Variants in IQUB observed in about 807,000 individuals in gnomAD.
IQUB encodes IQ motif and ubiquitin-like domain-containing protein.
Under a neutral mutation model 86.4 loss-of-function variants are expected in IQUB, and 86 were observed. That is an observed-to-expected ratio of 1.00 (90% CI 0.84 to 1.19). The LOEUF is 1.19. Ranked by LOEUF, IQUB falls within the 50% of genes most tolerant of loss-of-function variation. The pLI, the probability that IQUB is intolerant of heterozygous loss-of-function variation, is 0.00. For synonymous variants in IQUB, 289 were observed against 304.5 expected (o/e 0.95, Z 0.53); for missense variants, 946 against 916.9 (o/e 1.03, Z -0.41).
chr7:123,529,724 TAAAA>T (rs753026777), intron 1 of IQUB, among the ~76,000 whole-genome samples: 20 of 35,822 alleles, frequency 5.6e-4, no homozygotes, highest in East Asian at 4.8e-3. Context: ...TGTCTCTACT[TAAAA>T]AAAAAAAAAA....
intron 1 of IQUB, among the ~76,000 whole-genome samples, chr7:123,514,936 C>A (rs1450173422): frequency 1.3e-5 from 2 of 152,088 alleles, no homozygotes; most frequent in African/African-American, 4.8e-5. Flanking sequence ...GACTTTGTTA[C>A]TTAAATATGC....
intron 7 of IQUB, among the ~76,000 whole-genome samples, chr7:123,486,347 C>G (rs765298178): frequency 3.3e-5 from 5 of 152,138 alleles, no homozygotes; most frequent in Non-Finnish European, 7.4e-5. Flanking sequence ...AATAAAAAAT[C>G]CTGCACACCC....
At chr7:123,476,918 C>T (rs552726811) in intron 8 of IQUB, among the ~76,000 whole-genome samples, 38 of 152,206 alleles carry the variant, frequency 2.5e-4, no homozygotes, top group African/African-American at 8.2e-4. Context: ...CTACAAACCA[C>T]TGCTCAATGA....
At chr7:123,468,375 C>T (rs1189671858) in intron 9 of IQUB, among the ~76,000 whole-genome samples, 3 of 152,186 alleles carry the variant, frequency 2.0e-5, no homozygotes, top group African/African-American at 7.2e-5. Context: ...GGAGCTAATC[C>T]TGAAACCTAC....
In IQUB at chr7:123,461,536, A is replaced by G; in HGVS notation, c.1828T>C (p.Ser610Pro). The change falls in exon 11 of 13, where the codon TCT becomes CCT. Residue 610 changes from serine (S) to proline (P), a missense_variant. Transcript: ENST00000324698. ...GTGGATGATACAGAAAATTCTGTAG[A>G]AGGCAAATAAAGCTGGCAACTGTGG... ...FCHSCQLYLP[S>P]TEFSVSSTSR... The G allele has an allele frequency of 5.0e-6, 8 of 1,612,036 alleles. No homozygotes were observed. Among genetic ancestry groups the G allele is most frequent in the Non-Finnish European group, 6.8e-6 (8 of 1,178,726 alleles).
At position 123,479,843 on chromosome 7, in the gene IQUB, A is replaced by G; in HGVS notation, c.1362T>C (p.Ile454=). The change falls in exon 8 of 13, where the codon ATT becomes ATC. Residue 454 remains isoleucine, a synonymous_variant. Transcript: ENST00000324698. Reference sequence around the variant, plus strand: ...CTGCTTCCTGATTTGCCATATAAGCAATGTATCTATGTCTCCCAATGGAAG... The same window carrying G: ...CTGCTTCCTGATTTGCCATATAAGCGATGTATCTATGTCTCCCAATGGAAG... ...IIASIGRHRY[I]AYMANQEAAI... is the part of the protein sequence containing the mutation. The G allele has an allele frequency of 6.2e-7, 1 of 1,613,044 alleles. No individual in the cohort carries two copies. The highest frequency in any genetic ancestry group is 1.1e-5 in the South Asian group (1 of 90,942).
At chr7:123,493,112 G>C (rs1795545065) in intron 7 of IQUB, among the ~76,000 whole-genome samples, 1 of 152,026 alleles carries the variant, frequency 6.6e-6, no homozygotes, top group African/African-American at 2.4e-5. Flanking sequence ...AGTTCTCTAG[G>C]TTTCTTTGTT....
At chr7:123,459,952 C>T (rs540782353) in intron 11 of IQUB, 28 of 151,930 alleles carry the variant, frequency 1.8e-4, no homozygotes, top group African/African-American at 6.5e-4. Context: ...TTGGGTGATA[C>T]CAAAGTTTTC....
chr7:123,478,019 G>A (rs557094184), intron 8 of IQUB, among the ~76,000 whole-genome samples: 13 of 152,218 alleles, frequency 8.5e-5, no homozygotes, highest in African/African-American at 2.9e-4. Context: ...AACCATTGTG[G>A]AAGACAGTGT....
intron 7 of IQUB, among the ~76,000 whole-genome samples, chr7:123,483,024 GT>G (rs1005668288): frequency 7.2e-5 from 11 of 152,084 alleles, no homozygotes; most frequent in African/African-American, 2.7e-4. Context: ...TTCATTCCAG[GT>G]TTTTTTGGAT....
chr7:123,514,508 G>T (rs1161698586), intron 1 of IQUB, among the ~76,000 whole-genome samples: 2 of 152,196 alleles, frequency 1.3e-5, no homozygotes, highest in African/African-American at 4.8e-5. Context: ...CAAAATGATA[G>T]TAAATTGAAA....
chr7:123,468,284 C>T (rs1397854552), intron 9 of IQUB, among the ~76,000 whole-genome samples: 1 of 152,148 alleles, frequency 6.6e-6, no homozygotes, highest in Non-Finnish European at 1.5e-5. Flanking sequence ...CAGTGAGTAT[C>T]TCTTGTGGCC....
chr7:123,519,721 CTA>C (rs1380601446), intron 1 of IQUB, among the ~76,000 whole-genome samples: 1 of 152,048 alleles, frequency 6.6e-6, no homozygotes, highest in African/African-American at 2.4e-5. Flanking sequence ...GGAGTAAGTT[CTA>C]TGTTTGATAG....
At chr7:123,471,330 T>C (rs1006491905) in intron 8 of IQUB, among the ~76,000 whole-genome samples, 1 of 152,198 alleles carries the variant, frequency 6.6e-6, no homozygotes, top group Non-Finnish European at 1.5e-5. Context: ...CCTCAGAGTG[T>C]TACTGAAGTT....
At chr7:123,512,503 A>G (rs968400696) in intron 1 of IQUB, among the ~76,000 whole-genome samples, 159 bp from the exon 2 acceptor site, 7 of 152,248 alleles carry the variant, frequency 4.6e-5, no homozygotes, top group Non-Finnish European at 8.8e-5. Context: ...GTTAAAAAAA[A>G]GAACCTCAAA....
At chr7:123,470,219 T>C (rs1794459786) in intron 8 of IQUB, among the ~76,000 whole-genome samples, 1 of 152,202 alleles carries the variant, frequency 6.6e-6, no homozygotes, top group African/African-American at 2.4e-5. Flanking sequence ...CAGGGACATT[T>C]AGAGGAGATG....
At chr7:123,505,245 G>A (rs927026118) in intron 3 of IQUB, among the ~76,000 whole-genome samples, 54 of 152,186 alleles carry the variant, frequency 3.5e-4, no homozygotes, top group African/African-American at 1.2e-3. Context: ...GAGTGTCTGC[G>A]GCTTTGCCAG....
chr7:123,455,594 A>G (rs1172550117), intron 12 of IQUB, among the ~76,000 whole-genome samples: 3 of 152,170 alleles, frequency 2.0e-5, no homozygotes, highest in Admixed American at 6.6e-5. Context: ...AGATACCATT[A>G]TCTCTTTTTT....
chr7:123,457,400 T>TTGAGA lies in IQUB; in HGVS notation c.2169_2173dup (p.Lys725IlefsTer4), dbSNP rs1232678952. The TTGAGA allele has an allele frequency of 6.2e-7, 1 of 1,611,620 alleles. No individual in the cohort carries two copies. Among genetic ancestry groups the TTGAGA allele is most frequent in the African/African-American group, 1.3e-5 (1 of 74,694 alleles). On this transcript the variant is annotated frameshift_variant, in exon 12 of 13. Transcript: ENST00000324698. LOFTEE classifies it low-confidence loss of function (END_TRUNC). The stretch of plus-strand genomic sequence containing the variant: ...TCTTACCTCTTCAATACTTGTTAGC[T>TTGAGA]TGAGATGAGCAGCTGCTTCATCTTT...
Sources: gnomAD v4.1 joint callset for allele counts (sites outside exome capture counted in the v4.1 genomes callset) on GRCh38, gnomAD v4.1.1 for gene constraint, MANE v1.5 for transcripts, NCBI Gene and HGNC (gene_info 2026-07-23, HGNC 2026-07-21) for gene names.